Variants in WDR70 observed in about 807,000 individuals in gnomAD.
WDR70 encodes WD repeat-containing protein 70.
WDR70 carries 53 observed loss-of-function variants against 88.6 expected under a neutral mutation model. The observed-to-expected ratio is 0.60, with a 90% CI of 0.48 to 0.75. The LOEUF (loss-of-function observed/expected upper bound fraction) is 0.75, where lower values mean the gene tolerates loss of function less well. Among genes scored for constraint, WDR70 ranks in the 30% least tolerant of loss-of-function variants. The pLI is 0.00. For missense variants in WDR70, 610 were observed against 823.2 expected, an observed-to-expected ratio of 0.74 and a Z score of 3.17; for synonymous variants, 280 against 270.0, an observed-to-expected ratio of 1.04 and a Z score of -0.36.
chr5:37,664,844 A>C (rs1745793542), intron 10 of WDR70, among the ~76,000 whole-genome samples: 1 of 152,248 alleles, frequency 6.6e-6, no homozygotes, highest in South Asian at 2.1e-4. Context: ...CTTCTATAAG[A>C]TCAGCATTAT....
chr5:37,595,407 T>C (rs1005755303), intron 9 of WDR70, among the ~76,000 whole-genome samples: 1 of 152,204 alleles, frequency 6.6e-6, no homozygotes, highest in Non-Finnish European at 1.5e-5. Flanking sequence ...TATTTATACA[T>C]TGAAAACCAT....
chr5:37,455,634 A>ATTTTTTTTT (rs1738812434), intron 7 of WDR70, among the ~76,000 whole-genome samples: 3 of 18,972 alleles, frequency 1.6e-4, no homozygotes, highest in East Asian at 4.1e-3. Flanking sequence ...AGTTCTCTTT[A>ATTTTTTTTT]TCTTTTTTTT....
chr5:37,694,840 T>TATAATAATA (rs34298664), intron 10 of WDR70, among the ~76,000 whole-genome samples: 5,068 of 149,754 alleles, frequency 0.034, 112 homozygotes, highest in Middle Eastern at 0.11. Flanking sequence ...TAACTTAAAG[T>TATAATAATA]ATAATAATAA....
At chr5:37,744,795 G>A (rs1180361453) in intron 17 of WDR70, among the ~76,000 whole-genome samples, 2 of 151,900 alleles carry the variant, frequency 1.3e-5, no homozygotes, top group Admixed American at 6.6e-5. Context: ...TTAAAAAAAC[G>A]AACCTATGAT....
intron 9 of WDR70, among the ~76,000 whole-genome samples, chr5:37,584,295 A>AG (rs1743303685): frequency 6.6e-6 from 1 of 152,220 alleles, no homozygotes; most frequent in Non-Finnish European, 1.5e-5. Flanking sequence ...ATTCATTATC[A>AG]AACACATTTT....
chr5:37,614,806 A>ACTAGACATTTGGGGAAATCCT (rs1744286312), intron 10 of WDR70, among the ~76,000 whole-genome samples: 1 of 152,208 alleles, frequency 6.6e-6, no homozygotes, highest in Non-Finnish European at 1.5e-5. Context: ...GACGTGGGTC[A>ACTAGACATTTGGGGAAATCCT]CTAGACATTT....
At chr5:37,607,829 A>G (rs1744074951) in intron 10 of WDR70, among the ~76,000 whole-genome samples, 1 of 152,152 alleles carries the variant, frequency 6.6e-6, no homozygotes, top group African/African-American at 2.4e-5. Context: ...TTTGAGAAGA[A>G]GGCCTCTTCA....
intron 13 of WDR70, among the ~76,000 whole-genome samples, chr5:37,716,490 A>G (rs985036139): frequency 6.6e-5 from 10 of 152,098 alleles, no homozygotes; most frequent in African/African-American, 9.7e-5. Context: ...ATCTTTCCAA[A>G]TAGGGCTTTG....
chr5:37,664,132 A>G (rs1258155903), intron 10 of WDR70, among the ~76,000 whole-genome samples: 1 of 152,004 alleles, frequency 6.6e-6, no homozygotes, highest in Non-Finnish European at 1.5e-5. Context: ...CACCTAGAAC[A>G]CTGCAGATGT....
chr5:37,485,017 T>C (rs1171302719), intron 8 of WDR70, among the ~76,000 whole-genome samples: 1 of 152,184 alleles, frequency 6.6e-6, no homozygotes, highest in East Asian at 1.9e-4. Context: ...TGCATTGTCT[T>C]GGGGAAAGGT....
At chr5:37,679,688 C>G (rs1581490322) in intron 10 of WDR70, among the ~76,000 whole-genome samples, 2 of 152,196 alleles carry the variant, frequency 1.3e-5, no homozygotes, top group African/African-American at 4.8e-5. Context: ...AGGGATCAGG[C>G]ACCCACTTGA....
In WDR70 at chr5:37,742,437, T is replaced by A. The variant is rs544444787; in HGVS notation, c.1878-10049T>A. On this transcript the variant is annotated intron_variant, in intron 17 of 17. Transcript: ENST00000265107. ...TCAAGTTCTTTGCCCATTTAAAAAA[T>A]TTTTTTATTGTTGTTGTTGTAGGAG... Among the ~76,000 whole-genome samples the A allele has an allele frequency of 2.5e-3, 378 of 152,198 alleles. 3 individuals carry two copies. Among genetic ancestry groups the A allele is most frequent in the Middle Eastern group, 0.01 (3 of 294 alleles).
chr5:37,484,719 T>C (rs904584266), intron 8 of WDR70, among the ~76,000 whole-genome samples: 5 of 152,238 alleles, frequency 3.3e-5, no homozygotes, highest in African/African-American at 1.2e-4. Context: ...ACATTTATTT[T>C]TGCTAACATA....
rs138629801 is a variant in WDR70 at position 37,414,927 on chromosome 5, C to T, written c.492+18357C>T. 1.3e-4 allele frequency among the ~76,000 whole-genome samples: 17 copies of T among 135,562 alleles called. No individual in the cohort carries two copies. The South Asian group carries it at 3.2e-3, about 25-fold the overall frequency. 88.9% of individuals were successfully genotyped at this position (135,562 alleles called of 152,430 possible). ...TGGTTTTCCTAGGCAGAGGACCCTGCGGCCTTCCGCAGTGTTTGTGTCCCT... is the reference window on the plus strand; with the variant it reads ...TGGTTTTCCTAGGCAGAGGACCCTGTGGCCTTCCGCAGTGTTTGTGTCCCT... On this transcript the variant is annotated intron_variant, in intron 5 of 17. Transcript: ENST00000265107.
At chr5:37,655,665 T>G (rs1430319542) in intron 10 of WDR70, among the ~76,000 whole-genome samples, 5 of 152,008 alleles carry the variant, frequency 3.3e-5, no homozygotes, top group African/African-American at 1.2e-4. Flanking sequence ...AATCTTGTTT[T>G]CACGCTTTAT....
At chr5:37,620,261 CTGTTTTTTGTT>C (rs892654646) in intron 10 of WDR70, among the ~76,000 whole-genome samples, 8 of 104,084 alleles carry the variant, frequency 7.7e-5, no homozygotes, top group African/African-American at 3.1e-4. Flanking sequence ...ACTGAGTAAT[CTGTTTTTTGTT>C]TGTTTTTTGC....
chr5:37,669,530 A>C (rs1400854), intron 10 of WDR70, among the ~76,000 whole-genome samples: 1 of 151,962 alleles, frequency 6.6e-6, no homozygotes, highest in Non-Finnish European at 1.5e-5. Context: ...CTCCTGGGCA[A>C]TGAGTGAGGC....
intron 7 of WDR70, among the ~76,000 whole-genome samples, chr5:37,462,905 A>G (rs893383559): frequency 8.5e-5 from 13 of 152,130 alleles, no homozygotes; most frequent in African/African-American, 2.9e-4. Context: ...ATTAACTAGT[A>G]CGTCAACTCT....
At chr5:37,666,438 G>A (rs1201537935) in intron 10 of WDR70, among the ~76,000 whole-genome samples, 1 of 152,192 alleles carries the variant, frequency 6.6e-6, no homozygotes, top group East Asian at 1.9e-4. Flanking sequence ...GTGTGATCTT[G>A]AATAAAGGCC....
Sources: allele counts gnomAD v4.1 joint callset (sites outside exome capture counted in the v4.1 genomes callset), GRCh38; gene constraint gnomAD v4.1.1; transcripts MANE v1.5; gene names NCBI Gene and HGNC (gene_info 2026-07-23, HGNC 2026-07-21).